DLG5: variants seen among roughly 807,000 people sequenced by gnomAD.
The protein encoded by DLG5 is disks large homolog 5.
A neutral mutation model predicts 189.8 loss-of-function variants in DLG5; 48 were observed. That is an observed-to-expected ratio of 0.25 (90% confidence interval 0.20 to 0.32). DLG5 has a LOEUF of 0.32. DLG5 is among the 10% of genes least tolerant of loss of function. The probability of loss-of-function intolerance (pLI) is 1.00; values close to 1 mark genes in which losing one functional copy is unlikely to be tolerated. For missense variants in DLG5, 2,160 were observed against 2,544.7 expected (o/e 0.85, Z 3.25); for synonymous variants, 1,016 against 1,054.1 (o/e 0.96, Z 0.70).
intron 1 of DLG5, among the ~76,000 whole-genome samples, chr10:77,882,740 C>T (rs1300943958): frequency 7.0e-6 from 1 of 142,636 alleles, no homozygotes; most frequent in South Asian, 2.3e-4. Flanking sequence ...GGTGAAACCT[C>T]GTCTCTACTA....
intron 1 of DLG5, among the ~76,000 whole-genome samples, chr10:77,897,079 G>A (rs776960527): frequency 3.3e-5 from 5 of 152,148 alleles, no homozygotes; most frequent in Non-Finnish European, 5.9e-5. Context: ...TAAAAAGCCA[G>A]GCATGGTGGC....
chr10:77,910,673 G>A (rs1397011123), intron 1 of DLG5, among the ~76,000 whole-genome samples: 1 of 152,118 alleles, frequency 6.6e-6, no homozygotes, highest in Non-Finnish European at 1.5e-5. Context: ...ACAATCATAG[G>A]CTCCTTAAGA....
In DLG5 at chr10:77,830,819, G is replaced by A. The variant is rs1379838904; in HGVS notation, c.1803C>T (p.Ala601=). The stretch of plus-strand genomic sequence containing the variant: ...CAATGGCCGAGTCGTGGGAGCTGTG[G>A]GCCATCAGCTGTCGGAACCGGGCCT... ...EKEARFRQLM[A]HSSHDSAIDT... Residue 601 remains alanine (A), a synonymous_variant, in exon 10 of 32, where the codon GCC becomes GCT. Transcript: ENST00000372391. 2 of 1,614,186 alleles carry A rather than the reference G, an allele frequency of 1.2e-6. No homozygotes were observed. Among genetic ancestry groups the A allele is most frequent in the East Asian group, 4.5e-5 (2 of 44,884 alleles).
At chr10:77,807,693 C>T in intron 25 of DLG5, 103 bp downstream of exon 25, 11 of 1,376,622 alleles carry the variant, frequency 8.0e-6, no homozygotes, top group Non-Finnish European at 1.1e-5. Flanking sequence ...TGGCCCCAGC[C>T]TTGGGGGGCA....
rs555179573 is a variant in DLG5, at chr10:77,800,100, G to T, written c.5165-3506C>A. Among the ~76,000 whole-genome samples the T allele has an allele frequency of 2.6e-5, 4 of 152,242 alleles. No individual in the cohort carries two copies. The South Asian group carries it at 8.3e-4, about 32-fold the overall frequency. On this transcript the variant is annotated intron_variant, in intron 27 of 31. Transcript: ENST00000372391. ...GGGTGCACAATCAGCAGGGTGGGGG[G>T]TACCAGGGATGCTATGCAGCAGTTG... is the stretch of plus-strand genomic sequence containing the variant.
At chr10:77,816,406 T>G (rs1171201582) in intron 20 of DLG5, 145 bp downstream of exon 20, 4 of 1,304,298 alleles carry the variant, frequency 3.1e-6, no homozygotes, top group Non-Finnish European at 4.3e-6. Context: ...CCCATGGCAC[T>G]TACTGGTGAC....
At position 77,834,151 on chromosome 10, in the gene DLG5, C is replaced by A. The variant is rs1424346072; in HGVS notation, c.1623-112G>T. The A allele has an allele frequency of 7.8e-6, 11 of 1,402,248 alleles. No individual in the cohort carries two copies. The Admixed American group carries it at 2.6e-4, about 34-fold the overall frequency. The allele number at this position is 1,402,248 out of a possible 1,614,324, so 86.9% of individuals were successfully genotyped here. A position where few individuals can be genotyped will look rare whatever the true frequency, so the allele number is the denominator to read the frequency against. ...CTCCAAATACCTGCCGGCACCTATCCCATCCCCAGATGCACAGGAACACTT... is the reference window on the plus strand; with the variant it reads ...CTCCAAATACCTGCCGGCACCTATCACATCCCCAGATGCACAGGAACACTT... On this transcript the variant is annotated intron_variant, in intron 8 of 31. Coordinates refer to ENST00000372391, the MANE Select transcript of DLG5 (RefSeq NM_004747.4).
At position 77,821,090 on chromosome 10, in the gene DLG5, A is replaced by T; in HGVS notation, c.3394T>A (p.Phe1132Ile). 6.2e-7 allele frequency: 1 copy of T among 1,610,316 alleles called. No individual in the cohort carries two copies. The highest frequency in any genetic ancestry group is 8.5e-7 in the Non-Finnish European group (1 of 1,178,074). Residue 1132 changes from phenylalanine to isoleucine, a missense_variant, in exon 15 of 32, where the codon TTC becomes ATC. Transcript: ENST00000372391. ...CTGGGGCTCAGCTATACCTCCAGGA[A>T]CTGAGCAGGAATCACTACTGGAGCA... The part of the protein sequence containing the change: ...KLAPVVIPAQ[F>I]LEEQKCVPAS...
chr10:77,828,753 A>C, intron 13 of DLG5, 129 bp downstream of exon 13: 1 of 781,890 alleles, frequency 1.3e-6, no homozygotes, highest in Non-Finnish European at 2.1e-6. Context: ...CTATTTTTAA[A>C]TGTTCACATA....
At chr10:77,814,459 GTT>G (rs1354813115) in intron 20 of DLG5, among the ~76,000 whole-genome samples, 3 of 74,738 alleles carry the variant, frequency 4.0e-5, no homozygotes, top group South Asian at 4.8e-4. Flanking sequence ...AATAAAGCAT[GTT>G]TATATATATA....
intron 5 of DLG5, chr10:77,846,563 G>A (rs1408970605): frequency 3.0e-5 from 11 of 361,982 alleles, no homozygotes; most frequent in Non-Finnish European, 4.3e-5. Context: ...CGGGTGTGGT[G>A]GCAGGCACCT....
chr10:77,885,312 C>G (rs10762767), intron 1 of DLG5, among the ~76,000 whole-genome samples: 1 of 151,990 alleles, frequency 6.6e-6, no homozygotes, highest in Non-Finnish European at 1.5e-5. Flanking sequence ...CAAGCAAAAT[C>G]TGGACACACA....
intron 1 of DLG5, among the ~76,000 whole-genome samples, chr10:77,909,739 A>T (rs915675485): frequency 4.6e-5 from 7 of 152,128 alleles, no homozygotes; most frequent in Admixed American, 2.0e-4. Flanking sequence ...CTAAACCGCC[A>T]TGGGTTTAGC....
chr10:77,923,913 G>A (rs979830372), intron 1 of DLG5, among the ~76,000 whole-genome samples: 1 of 152,032 alleles, frequency 6.6e-6, no homozygotes, highest in South Asian at 2.1e-4. Flanking sequence ...CACCTAGGCT[G>A]GAATCCAAGG....
At chr10:77,836,568 T>C (rs1018752202) in intron 7 of DLG5, among the ~76,000 whole-genome samples, 15 of 151,992 alleles carry the variant, frequency 9.9e-5, no homozygotes, top group Non-Finnish European at 2.1e-4. Flanking sequence ...CTAAAGATCA[T>C]TCTCCAGACA....
At chr10:77,839,444 T>G in intron 7 of DLG5, among the ~76,000 whole-genome samples, 1 of 151,990 alleles carries the variant, frequency 6.6e-6, no homozygotes, top group Non-Finnish European at 1.5e-5. Context: ...GAGGTTGTAG[T>G]GAGCCGAGAT....
At chr10:77,807,088 C>T (rs1158750661) in intron 25 of DLG5, among the ~76,000 whole-genome samples, 160 bp from the exon 26 acceptor site, 2 of 152,140 alleles carry the variant, frequency 1.3e-5, no homozygotes, top group African/African-American at 4.8e-5. Context: ...AAGTGGGGAG[C>T]CCTGTGTTTT....
chr10:77,930,965 C>T (rs1265933513), upstream of DLG5, among the ~76,000 whole-genome samples: 2 of 151,950 alleles, frequency 1.3e-5, no homozygotes, highest in East Asian at 3.9e-4. Flanking sequence ...GGATTACAGG[C>T]ATGTGCCACC....
At chr10:77,794,626 C>T (rs1469559124) in intron 30 of DLG5, among the ~76,000 whole-genome samples, 1 of 152,192 alleles carries the variant, frequency 6.6e-6, no homozygotes, top group Non-Finnish European at 1.5e-5. Flanking sequence ...ACCCAAATGG[C>T]GGAGGGGCGC....
Sources: gnomAD v4.1 joint callset for allele counts (sites outside exome capture counted in the v4.1 genomes callset) on GRCh38, gnomAD v4.1.1 for gene constraint, MANE v1.5 for transcripts, NCBI Gene and HGNC (gene_info 2026-07-23, HGNC 2026-07-21) for gene names.